Variants in ATP6V1H observed in about 807,000 individuals in gnomAD.
ATP6V1H encodes ATPase H+ transporting V1 subunit H.
Under a neutral mutation model 71.7 loss-of-function variants are expected in ATP6V1H, and 39 were observed. The observed-to-expected ratio is 0.54, with a 90% CI of 0.42 to 0.71. The LOEUF (loss-of-function observed/expected upper bound fraction) is 0.71, where lower values mean the gene tolerates loss of function less well. ATP6V1H is among the 30% of genes least tolerant of loss of function. The probability of loss-of-function intolerance (pLI) is 0.00; values close to 1 mark genes in which losing one functional copy is unlikely to be tolerated. For missense variants in ATP6V1H, 509 were observed against 594.9 expected, an observed-to-expected ratio of 0.86 and a Z score of 1.50; for synonymous variants, 192 against 199.3, an observed-to-expected ratio of 0.96 and a Z score of 0.31.
At chr8:53,743,511 C>T (rs1028226580) in intron 13 of ATP6V1H, 66 bp downstream of exon 13, 3 of 1,166,320 alleles carry the variant, frequency 2.6e-6, no homozygotes, top group Middle Eastern at 2.0e-4. Flanking sequence ...TGCATAAGAA[C>T]TTTTAGAATG....
intron 8 of ATP6V1H, among the ~76,000 whole-genome samples, chr8:53,800,233 T>C (rs1231023898): frequency 1.3e-5 from 2 of 152,198 alleles, no homozygotes; most frequent in Non-Finnish European, 2.9e-5. Context: ...TGTGTCTTTG[T>C]CCCTTATGAT....
chr8:53,837,004 G>A (rs1404669529), intron 2 of ATP6V1H, among the ~76,000 whole-genome samples: 5 of 152,186 alleles, frequency 3.3e-5, no homozygotes, highest in African/African-American at 4.8e-5. Context: ...AGCCAGGCGA[G>A]GTGGCAGGTG....
At chr8:53,771,684 T>G (rs923176958) in intron 10 of ATP6V1H, among the ~76,000 whole-genome samples, 1 of 152,220 alleles carries the variant, frequency 6.6e-6, no homozygotes, top group African/African-American at 2.4e-5. Flanking sequence ...CTACCTTTGT[T>G]GCTTAAAAAG....
At chr8:53,802,123 ACTT>A (rs1292102019) in intron 7 of ATP6V1H, among the ~76,000 whole-genome samples, 1 of 152,248 alleles carries the variant, frequency 6.6e-6, no homozygotes, top group African/African-American at 2.4e-5. Context: ...AGTCAAGACT[ACTT>A]AACACACAGG....
At chr8:53,788,766 C>T (rs1809464853) in intron 9 of ATP6V1H, among the ~76,000 whole-genome samples, 1 of 152,196 alleles carries the variant, frequency 6.6e-6, no homozygotes, top group African/African-American at 2.4e-5. Flanking sequence ...GTCTATCCTT[C>T]TACTGCGCCA....
intron 4 of ATP6V1H, among the ~76,000 whole-genome samples, chr8:53,828,841 G>A (rs1022994520): frequency 1.3e-5 from 2 of 152,088 alleles, no homozygotes; most frequent in Non-Finnish European, 1.5e-5. Flanking sequence ...CAGCTGGAAG[G>A]CCGATCTCAT....
chr8:53,826,783 CT>C (rs1254449371), intron 4 of ATP6V1H, among the ~76,000 whole-genome samples: 1 of 150,112 alleles, frequency 6.7e-6, no homozygotes, highest in African/African-American at 2.5e-5. Flanking sequence ...CCCGTCTCTA[CT>C]AAAAAAAAAA....
chr8:53,840,280 G>C (rs112805359), intron 2 of ATP6V1H, among the ~76,000 whole-genome samples: 1 of 152,032 alleles, frequency 6.6e-6, no homozygotes, highest in African/African-American at 2.4e-5. Context: ...GGCAGATCAC[G>C]AGGTCAGGAG....
chr8:53,826,565 A>C (rs1810827147), intron 4 of ATP6V1H, among the ~76,000 whole-genome samples: 1 of 152,184 alleles, frequency 6.6e-6, no homozygotes, highest in Admixed American at 6.5e-5. Context: ...GATTATATCT[A>C]ATAAGTGTTT....
chr8:53,724,028 G>A (rs1201839764), intron 13 of ATP6V1H, among the ~76,000 whole-genome samples: 1 of 152,080 alleles, frequency 6.6e-6, no homozygotes, highest in African/African-American at 2.4e-5. Context: ...TTCTAAGTAA[G>A]CTAACAAAAG....
At chr8:53,815,987 T>C (rs904391609) in intron 5 of ATP6V1H, among the ~76,000 whole-genome samples, 7 of 152,270 alleles carry the variant, frequency 4.6e-5, no homozygotes, top group Admixed American at 2.0e-4. Flanking sequence ...TTAATATATT[T>C]GTCAGTTTTG....
intron 4 of ATP6V1H, among the ~76,000 whole-genome samples, chr8:53,825,729 C>CT (rs1810806297): frequency 6.6e-6 from 1 of 152,008 alleles, no homozygotes; most frequent in Admixed American, 6.6e-5. Context: ...AGACACATAC[C>CT]TTACACTATA....
chr8:53,775,493 G>C (rs1353822906), intron 9 of ATP6V1H, among the ~76,000 whole-genome samples: 1 of 152,160 alleles, frequency 6.6e-6, no homozygotes, highest in Non-Finnish European at 1.5e-5. Flanking sequence ...CAATCCCTGA[G>C]CTACATACAA....
intron 4 of ATP6V1H, among the ~76,000 whole-genome samples, chr8:53,819,547 C>CAT (rs34645455): frequency 0.17 from 6,077 of 34,954 alleles, 654 homozygotes; most frequent in Non-Finnish European, 0.23. Context: ...AAAAAAAAAG[C>CAT]ATATATATAT....
chr8:53,824,849 T>C (rs986281117), intron 4 of ATP6V1H, among the ~76,000 whole-genome samples: 2 of 151,944 alleles, frequency 1.3e-5, no homozygotes, highest in Non-Finnish European at 2.9e-5. Flanking sequence ...TTAAAATTTA[T>C]AATTTACAAC....
chr8:53,817,496 T>G lies in ATP6V1H; in HGVS notation c.341A>C (p.Tyr114Ser). The change falls in exon 5 of 14, where the codon TAT becomes TCT. Residue 114 changes from tyrosine (Y) to serine (S), a missense_variant. By Grantham distance (144) the Tyr-to-Ser change is moderately radical. This residue lies in a region of ATP6V1H where 297 missense variants were observed against 303.3 expected (regional missense o/e 0.98). Coordinates refer to ENST00000359530, the MANE Select transcript of ATP6V1H (RefSeq NM_015941.4). ...CGCAGTGTTCTTGCTACATCTTGCA[T>G]AGTCAAAGAAAATGCTAACACGCTG... ...NHQRVSIFFD[Y>S]ARCSKNTAWP... is the part of the protein sequence containing the mutation. The G allele has an allele frequency of 6.2e-7, 1 of 1,613,414 alleles. No homozygotes were observed. The highest frequency in any genetic ancestry group is 1.1e-5 in the South Asian group (1 of 90,996).
intron 13 of ATP6V1H, among the ~76,000 whole-genome samples, chr8:53,736,972 T>C (rs530610209): frequency 3.9e-5 from 6 of 152,342 alleles, no homozygotes; most frequent in South Asian, 2.1e-4. Flanking sequence ...TAAGGAAGCA[T>C]TGTGAAACTT....
At chr8:53,755,970 G>A (rs1367409609) in intron 12 of ATP6V1H, among the ~76,000 whole-genome samples, 4 of 142,566 alleles carry the variant, frequency 2.8e-5, no homozygotes, top group East Asian at 4.0e-4. Flanking sequence ...TTTTAGCCGG[G>A]ATGGTCTCGA....
intron 13 of ATP6V1H, among the ~76,000 whole-genome samples, chr8:53,728,639 C>T (rs1012969676): frequency 8.5e-5 from 13 of 152,176 alleles, no homozygotes; most frequent in East Asian, 1.9e-4. Flanking sequence ...ATCCACTCGA[C>T]GGCATTTGTT....
Sources: gnomAD v4.1 joint callset for allele counts (sites outside exome capture counted in the v4.1 genomes callset) on GRCh38, gnomAD v4.1.1 for gene constraint, gnomAD v4.1.1 regional missense constraint, MANE v1.5 for transcripts, NCBI Gene and HGNC (gene_info 2026-07-23, HGNC 2026-07-21) for gene names.